ATP7A: variants seen among roughly 807,000 people sequenced by gnomAD.
ATP7A encodes the protein copper-transporting ATPase 1.
ATP7A carries 7 observed loss-of-function variants against 83.5 expected under a neutral mutation model. The ratio of observed to expected loss-of-function variants is 0.08; its 90% confidence interval spans 0.05 to 0.16. The LOEUF (loss-of-function observed/expected upper bound fraction) is 0.16. ATP7A is among the 10% of genes least tolerant of loss of function. The pLI, the probability that ATP7A is intolerant of heterozygous loss-of-function variation, is 1.00. For synonymous variants in ATP7A, 354 were observed against 395.2 expected, an observed-to-expected ratio of 0.90 and a Z score of 1.24; for missense variants, 940 against 1,120.8, an observed-to-expected ratio of 0.84 and a Z score of 2.30.
intron 1 of ATP7A, among the ~76,000 whole-genome samples, chrX:77,945,970 A>G (rs1248822302): frequency 9.0e-6 from 1 of 111,026 alleles, no homozygotes; most frequent in Non-Finnish European, 1.9e-5. Context: ...TTTTTTCATT[A>G]GATTTTGCAT....
intron 1 of ATP7A, among the ~76,000 whole-genome samples, chrX:77,955,074 A>G (rs1404798077): frequency 9.0e-6 from 1 of 111,028 alleles, no homozygotes; most frequent in Non-Finnish European, 1.9e-5. Flanking sequence ...TTAAATATAT[A>G]GTTGCATTTC....
intron 1 of ATP7A, among the ~76,000 whole-genome samples, chrX:77,947,634 C>T (rs782764602): frequency 3.7e-5 from 4 of 108,324 alleles, no homozygotes; most frequent in African/African-American, 1.0e-4. Flanking sequence ...AGACGGGTTT[C>T]GCCATGTTGG....
intron 19 of ATP7A, among the ~76,000 whole-genome samples, chrX:78,041,279 CT>C (rs1278465220): frequency 3.2e-4 from 34 of 107,577 alleles, no homozygotes; most frequent in African/African-American, 7.4e-4. Flanking sequence ...TCTTTTGTTT[CT>C]TTTTTTTTTC....
chrX:78,037,980 GTT>G lies in ATP7A; in HGVS notation c.3512-831_3512-830del, dbSNP rs782643561. Among the ~76,000 whole-genome samples, 91 of 51,181 alleles carry G rather than the reference GTT, an allele frequency of 1.8e-3. 1 individual carries two copies. The highest frequency in any genetic ancestry group is 0.011 in the East Asian group (16 of 1,404). The allele number at this position is 51,181 out of a possible 115,157, so 44.4% of individuals were successfully genotyped here. A position where few individuals can be genotyped will look rare whatever the true frequency, so the allele number is the denominator to read the frequency against. ...AGAGAGGTGGGTGAGATCAAGAAAGGTTTTTTTTTTTTTTTTTTTTTTTTTTA... is the reference window on the plus strand; with the variant it reads ...AGAGAGGTGGGTGAGATCAAGAAAGGTTTTTTTTTTTTTTTTTTTTTTTTA... On this transcript the variant is annotated intron_variant, in intron 17 of 22. Coordinates refer to ENST00000341514, the MANE Select transcript of ATP7A (RefSeq NM_000052.7).
Position 78,010,522 on chromosome X carries a change from A to G in ATP7A, c.1870-654A>G, listed in dbSNP as rs2077812136. Among the ~76,000 whole-genome samples the G allele has an allele frequency of 2.8e-5, 3 of 108,948 alleles. 1 individual carries two copies. The highest frequency in any genetic ancestry group is 9.4e-3 in the Middle Eastern group (2 of 212). 94.6% of individuals were successfully genotyped at this position (108,948 alleles called of 115,157 possible). ...TTCTTTTTCTGATAAAACAAGACTA[A>G]ATACTGCATATGCAAGGCCTTGAAT... On this transcript the variant is annotated intron_variant, in intron 7 of 22. Coordinates refer to ENST00000341514, the MANE Select transcript of ATP7A (RefSeq NM_000052.7).
chrX:78,021,227 T>C, intron 14 of ATP7A, 148 bp downstream of exon 14: 1 of 673,162 alleles, frequency 1.5e-6, no homozygotes, highest in South Asian at 3.4e-5. Flanking sequence ...TGCATTTTTA[T>C]AAATATAAAA....
intron 1 of ATP7A, among the ~76,000 whole-genome samples, chrX:77,928,432 A>G (rs920542702): frequency 9.0e-6 from 1 of 111,258 alleles, no homozygotes; most frequent in Admixed American, 9.6e-5. Context: ...TCATATATAT[A>G]TATGACATGA....
intron 4 of ATP7A, among the ~76,000 whole-genome samples, chrX:77,996,404 G>A (rs1371891828): frequency 1.8e-5 from 2 of 112,269 alleles, no homozygotes; most frequent in Non-Finnish European, 3.8e-5. Context: ...GTTGCCTCAA[G>A]TGCAGGAAAA....
intron 1 of ATP7A, among the ~76,000 whole-genome samples, chrX:77,966,511 C>G (rs1449543992): frequency 8.9e-6 from 1 of 111,901 alleles, no homozygotes; most frequent in Admixed American, 9.5e-5. Context: ...AAACATTATG[C>G]TAAGTGAAAG....
chrX:77,984,397 G>A (rs969899489), intron 2 of ATP7A, among the ~76,000 whole-genome samples: 1 of 108,624 alleles, frequency 9.2e-6, no homozygotes, highest in African/African-American at 3.4e-5. Context: ...GTGCAATGTC[G>A]GCTCACTGCA....
chrX:77,959,916 A>G (rs986741047), intron 1 of ATP7A, among the ~76,000 whole-genome samples: 7 of 112,028 alleles, frequency 6.2e-5, no homozygotes, highest in Non-Finnish European at 1.1e-4. Context: ...CAGTTTCCAT[A>G]ATTGTACTAA....
chrX:77,982,884 G>A (rs966288909), intron 2 of ATP7A, among the ~76,000 whole-genome samples: 23 of 111,821 alleles, frequency 2.1e-4, no homozygotes, highest in Middle Eastern at 4.6e-3. Context: ...TAAAGTGGGT[G>A]GCTTATAAAC....
In ATP7A at chrX:78,049,987, T is replaced by C. The variant is rs1451194369; in HGVS notation, c.*3417T>C. 1 of 112,374 alleles carries C rather than the reference T, an allele frequency of 8.9e-6. No individual in the cohort carries two copies. The highest frequency in any genetic ancestry group is 9.5e-5 in the Admixed American group (1 of 10,476). 9.3% of individuals were successfully genotyped at this position (112,374 alleles called of 1,213,427 possible). Reference sequence around the variant, plus strand: ...TTGTTTGTTTTGTTTCTTTTCTACATTTTTAAGTATTATTTTACAAAATAG... The same window carrying C: ...TTGTTTGTTTTGTTTCTTTTCTACACTTTTAAGTATTATTTTACAAAATAG... On this transcript the variant is annotated 3_prime_UTR_variant, in exon 23 of 23. Transcript: ENST00000341514.
At chrX:77,918,741 G>GT (rs782757605) in intron 1 of ATP7A, among the ~76,000 whole-genome samples, 1 of 111,522 alleles carries the variant, frequency 9.0e-6, no homozygotes, top group African/African-American at 3.3e-5. Context: ...CTGTTGCATT[G>GT]TACAAATCTA....
chrX:78,039,179 C>T (rs2149109713), intron 18 of ATP7A, among the ~76,000 whole-genome samples, 197 bp downstream of exon 18: 1 of 111,972 alleles, frequency 8.9e-6, no homozygotes, highest in South Asian at 3.7e-4. Flanking sequence ...ACTTTCTTCC[C>T]TAGCCTATGT....
chrX:77,911,052 T>G (rs2077157183), intron 1 of ATP7A, among the ~76,000 whole-genome samples: 1 of 112,272 alleles, frequency 8.9e-6, no homozygotes, highest in South Asian at 3.7e-4. Context: ...GTCACTTTCT[T>G]GTACCCTCTT....
rs553105809 is a variant in ATP7A, at chrX:77,970,469, G to A, written c.-21-1152G>A. 6.3e-5 allele frequency among the ~76,000 whole-genome samples: 7 copies of A among 110,951 alleles called. No individual in the cohort carries two copies. In the South Asian group the frequency reaches 2.7e-3, roughly 42 times the overall value. ...GTGGATCACTTGAGGTCAGGTGTTC[G>A]AGACCAGCCTAGTCAACATGGTGAA... On this transcript the variant is annotated intron_variant, in intron 1 of 22. Transcript: ENST00000341514.
At chrX:78,006,963 T>C (rs2077780205) in intron 6 of ATP7A, among the ~76,000 whole-genome samples, 3 of 112,458 alleles carry the variant, frequency 2.7e-5, no homozygotes, top group Non-Finnish European at 3.8e-5. Flanking sequence ...ATAATGCTGC[T>C]ATGAACATTC....
chrX:77,998,362 T>A, intron 4 of ATP7A, 116 bp from the exon 5 acceptor site: 1 of 730,312 alleles, frequency 1.4e-6, no homozygotes, highest in Non-Finnish European at 2.2e-6. Context: ...AGTAGGAACT[T>A]GCTCGTTTTA....
Sources: gnomAD v4.1 joint callset for allele counts (sites outside exome capture counted in the v4.1 genomes callset) on GRCh38, gnomAD v4.1.1 for gene constraint, MANE v1.5 for transcripts, NCBI Gene and HGNC (gene_info 2026-07-23, HGNC 2026-07-21) for gene names.